The following DNAH9 variants were observed in gnomAD, a reference collection of about 807,000 sequenced individuals.
The protein encoded by DNAH9 is dynein axonemal heavy chain 9, also known as DNAH9 variant protein.
A neutral mutation model predicts 471.6 loss-of-function variants in DNAH9; 345 were observed. That is an observed-to-expected ratio of 0.73 (90% CI 0.67 to 0.80). The LOEUF (loss-of-function observed/expected upper bound fraction) is 0.80. Among genes scored for constraint, DNAH9 ranks in the 30% least tolerant of loss-of-function variants. DNAH9 has a pLI of 0.00. For synonymous variants in DNAH9, 2,093 were observed against 2,123.6 expected, an observed-to-expected ratio of 0.99 and a Z score of 0.40; for missense variants, 5,407 against 5,609.2, an observed-to-expected ratio of 0.96 and a Z score of 1.15.
At chr17:11,832,618 G>T (rs1161789869) in intron 48 of DNAH9, among the ~76,000 whole-genome samples, 1 of 152,156 alleles carries the variant, frequency 6.6e-6, no homozygotes, top group African/African-American at 2.4e-5. Context: ...AAATTAAAGA[G>T]CATTCTCTTT....
intron 53 of DNAH9, among the ~76,000 whole-genome samples, chr17:11,879,320 T>C (rs1236822672): frequency 6.6e-6 from 1 of 152,172 alleles, no homozygotes; most frequent in Non-Finnish European, 1.5e-5. Flanking sequence ...ATTGTTGATA[T>C]ATATAAAATA....
rs1464241221 is a variant in DNAH9, at chr17:11,883,612, A to G, written c.10833A>G (p.Gly3611=). The G allele has an allele frequency of 6.2e-7, 1 of 1,614,132 alleles. No homozygotes were observed. Residue 3611 remains glycine (G), a synonymous_variant, in exon 56 of 69, where the codon GGA becomes GGG. Coordinates refer to ENST00000262442, the MANE Select transcript of DNAH9 (RefSeq NM_001372.4). The stretch of plus-strand genomic sequence containing the variant: ...CCGATCTCACAAAGCAGCAGAATGG[A>G]TTCAAAATTACCCTGAAAACGTTGG... The part of the protein sequence containing the change: ...LKSDLTKQQN[G]FKITLKTLED...
At chr17:11,724,068 CAAT>C (rs550718805) in intron 27 of DNAH9, among the ~76,000 whole-genome samples, 120 of 152,096 alleles carry the variant, frequency 7.9e-4, no homozygotes, top group African/African-American at 2.1e-3. Flanking sequence ...CACATATTAT[CAAT>C]AATATTTATC....
At chr17:11,709,687 AAG>A (rs1871071471) in intron 26 of DNAH9, among the ~76,000 whole-genome samples, 1 of 152,192 alleles carries the variant, frequency 6.6e-6, no homozygotes, top group African/African-American at 2.4e-5. Context: ...CACTAAGTTG[AAG>A]AACTAAATGG....
At position 11,619,582 on chromosome 17, in the gene DNAH9, G is replaced by A. The variant is rs144408446; in HGVS notation, c.1151G>A (p.Arg384Lys). Residue 384 changes from arginine (R) to lysine (K), a missense_variant, in exon 6 of 69, where the codon AGA becomes AAA. By Grantham distance (26) the Arg-to-Lys change is conservative (BLOSUM62 2). Around this residue, in one of 3 missense-constraint regions of DNAH9, gnomAD observed 767 missense variants for 692.5 expected, o/e 1.11. Transcript: ENST00000262442. Reference protein sequence around the residue: ...SNYLSPEDLLRSEVEESQRKL... With the variant: ...SNYLSPEDLLKSEVEESQRKL... The stretch of plus-strand genomic sequence containing the variant: ...TATCTCAGCCCAGAAGACCTGCTGA[G>A]AAGTGAGGTAGAAGAAAGTCAGAGA... 6.2e-7 allele frequency: 1 copy of A among 1,613,972 alleles called. No homozygotes were observed. The highest frequency in any genetic ancestry group is 1.1e-5 in the South Asian group (1 of 91,080).
intron 42 of DNAH9, among the ~76,000 whole-genome samples, chr17:11,795,891 C>A (rs1204244518): frequency 6.6e-6 from 1 of 152,182 alleles, no homozygotes; most frequent in Non-Finnish European, 1.5e-5. Context: ...GCCTGAAGCA[C>A]CCTTGGTCAC....
intron 43 of DNAH9, among the ~76,000 whole-genome samples, chr17:11,805,293 A>G (rs1969624561): frequency 6.6e-6 from 1 of 152,154 alleles, no homozygotes; most frequent in South Asian, 2.1e-4. Context: ...CTGTAACTTT[A>G]TATACACTCA....
chr17:11,646,061 T>C (rs9890927), intron 11 of DNAH9, among the ~76,000 whole-genome samples: 149,850 of 151,762 alleles, frequency 0.99, 74,011 homozygotes, highest in Middle Eastern at 1. Context: ...TTGTATTTTT[T>C]GTAGAGACAG....
At chr17:11,653,848 C>A (rs1223125670) in intron 14 of DNAH9, among the ~76,000 whole-genome samples, 1 of 152,166 alleles carries the variant, frequency 6.6e-6, no homozygotes. Context: ...AAATCAGCAG[C>A]TGTTGTAGAA....
chr17:11,767,819 C>T (rs1235517395), intron 36 of DNAH9, among the ~76,000 whole-genome samples: 2 of 152,134 alleles, frequency 1.3e-5, no homozygotes, highest in Non-Finnish European at 2.9e-5. Flanking sequence ...TCTACCTATT[C>T]CTTCTGTCAG....
chr17:11,772,167 TTTTTGTATTTAATTGA>T (rs1968232392), intron 38 of DNAH9, among the ~76,000 whole-genome samples: 1 of 152,044 alleles, frequency 6.6e-6, no homozygotes, highest in African/African-American at 2.4e-5. Context: ...CAGAGGAATG[TTTTTGTATTTAATTGA>T]TTTTCTATTT....
At chr17:11,651,462 C>T (rs2073505040) in intron 13 of DNAH9, 138 bp downstream of exon 13, 1 of 864,942 alleles carries the variant, frequency 1.2e-6, no homozygotes, top group Non-Finnish European at 1.7e-6. Context: ...GACACATATC[C>T]AAGCAGAGAA....
chr17:11,807,346 C>T (rs982387217), intron 43 of DNAH9, among the ~76,000 whole-genome samples: 7 of 152,150 alleles, frequency 4.6e-5, no homozygotes, highest in African/African-American at 7.2e-5. Flanking sequence ...TCAACTGTTT[C>T]GCTTTTTCCG....
intron 50 of DNAH9, among the ~76,000 whole-genome samples, chr17:11,864,424 G>A (rs1899981823): frequency 6.6e-6 from 1 of 151,562 alleles, no homozygotes; most frequent in African/African-American, 2.4e-5. Flanking sequence ...CATTTGCTGA[G>A]GAGAGCTTTA....
intron 43 of DNAH9, among the ~76,000 whole-genome samples, chr17:11,803,947 G>A (rs1045026276): frequency 6.6e-6 from 1 of 152,204 alleles, no homozygotes; most frequent in African/African-American, 2.4e-5. Context: ...ATCTCATGCA[G>A]ACACAAAGCA....
At chr17:11,640,238 C>A in intron 9 of DNAH9, 32 bp from the exon 10 acceptor site, 1 of 1,385,198 alleles carries the variant, frequency 7.2e-7, no homozygotes, top group Non-Finnish European at 1.0e-6. Context: ...GTGCTCTAGA[C>A]TCATTTCGGT....
Position 11,769,131 on chromosome 17 carries a change from G to T in DNAH9, c.7354G>T (p.Val2452Leu). 1 of 1,614,196 alleles carries T rather than the reference G, an allele frequency of 6.2e-7. No homozygotes were observed. Among genetic ancestry groups the T allele is most frequent in the Non-Finnish European group, 8.5e-7 (1 of 1,180,026 alleles). ...TGTGCTCCCATTCCAGGCGTGTTTGGTGCACACGAGTGAGACCATCCGTGT... is the reference window on the plus strand; with the variant it reads ...TGTGCTCCCATTCCAGGCGTGTTTGTTGCACACGAGTGAGACCATCCGTGT... ...DPEMPLQACLVHTSETIRVCY... is the reference protein window; with the variant it reads ...DPEMPLQACLLHTSETIRVCY... The change falls in exon 38 of 69, where the codon GTG becomes TTG. Residue 2452 changes from valine to leucine, a missense_variant. Val to Leu is a conservative substitution (Grantham distance 32). Transcript: ENST00000262442.
intron 4 of DNAH9, chr17:11,612,671 T>C (rs1336155188): frequency 1.3e-5 from 2 of 152,154 alleles, no homozygotes; most frequent in Non-Finnish European, 2.9e-5. Context: ...AGTAGGTAAA[T>C]TTTTTTAGGA....
In DNAH9 at chr17:11,932,024, A is replaced by G; in HGVS notation, c.12116A>G (p.Glu4039Gly). The G allele has an allele frequency of 6.2e-7, 1 of 1,614,092 alleles. No individual in the cohort carries two copies. Among genetic ancestry groups the G allele is most frequent in the Non-Finnish European group, 8.5e-7 (1 of 1,180,000 alleles). ...ACACTCTCATTTCAGGACACTCTGG[A>G]GATGTGTTCTCGGGAGACGGAGTTT... ...ALDNFTQDTLEMCSRETEFKS... is the reference protein window; with the variant it reads ...ALDNFTQDTLGMCSRETEFKS... The change falls in exon 64 of 69, where the codon GAG (glutamate) becomes GGG (glycine). Residue 4039 changes from glutamate (E) to glycine (G), a missense_variant. Transcript: ENST00000262442. The surrounding 1 kb of genome is among the most constrained non-coding windows in gnomAD (Gnocchi z 4.3).
Sources: allele counts gnomAD v4.1 joint callset (sites outside exome capture counted in the v4.1 genomes callset), GRCh38; gene constraint gnomAD v4.1.1; regional missense constraint gnomAD v4.1.1; non-coding constraint Gnocchi (gnomAD v3.1); transcripts MANE v1.5; gene names NCBI Gene and HGNC (gene_info 2026-07-23, HGNC 2026-07-21).